Variants in NAALADL2 observed in about 807,000 individuals in gnomAD.
NAALADL2 encodes the protein inactive N-acetylated-alpha-linked acidic dipeptidase-like protein 2.
Under a neutral mutation model 87.2 loss-of-function variants are expected in NAALADL2, and 76 were observed. The observed-to-expected ratio is 0.87, with a 90% CI of 0.72 to 1.05. The LOEUF is 1.05. Ranked by LOEUF, NAALADL2 falls within the 50% of genes least tolerant of loss-of-function variation. The pLI, the probability that NAALADL2 is intolerant of heterozygous loss-of-function variation, is 0.00. For missense variants in NAALADL2, 1,089 were observed against 945.8 expected (o/e 1.15, Z -1.99); for synonymous variants, 354 against 331.0 (o/e 1.07, Z -0.75).
At position 175,273,683 on chromosome 3, in the gene NAALADL2, A is replaced by G. The variant is rs190581668; in HGVS notation, c.939+17153A>G. On this transcript the variant is annotated intron_variant, in intron 4 of 13. Transcript: ENST00000454872. ...TGACAATTTATTCTCTTTTAACCCT[A>G]ACGTAAGAGTATTTCATAAAGAATA... Among the ~76,000 whole-genome samples the G allele has an allele frequency of 5.0e-3, 765 of 152,120 alleles. 11 individuals are homozygous for G. Among genetic ancestry groups the G allele is most frequent in the Middle Eastern group, 0.024 (7 of 292 alleles).
chr3:175,244,041 C>T (rs1017663343), intron 3 of NAALADL2, among the ~76,000 whole-genome samples: 4 of 152,158 alleles, frequency 2.6e-5, no homozygotes, highest in Non-Finnish European at 5.9e-5. Flanking sequence ...TTCAACACAG[C>T]AACGATGTCT....
At chr3:175,406,978 C>G (rs1712523464) in intron 5 of NAALADL2, among the ~76,000 whole-genome samples, 1 of 151,994 alleles carries the variant, frequency 6.6e-6, no homozygotes, top group South Asian at 2.1e-4. Context: ...ATCAGGATTT[C>G]AAGACCAGCC....
chr3:174,501,316 G>A (rs1231665431), intron 1 of NAALADL2, among the ~76,000 whole-genome samples: 1 of 142,948 alleles, frequency 7.0e-6, no homozygotes, highest in African/African-American at 3.0e-5. Flanking sequence ...CTGACCTCGT[G>A]ATCCGCCCGC....
chr3:174,752,329 C>G (rs1287742880), intron 3 of NAALADL2, among the ~76,000 whole-genome samples: 3 of 152,152 alleles, frequency 2.0e-5, no homozygotes, highest in Non-Finnish European at 2.9e-5. Context: ...TGGACTGCTG[C>G]TATTGCATTT....
At chr3:175,553,209 T>G (rs1262508220) in intron 9 of NAALADL2, among the ~76,000 whole-genome samples, 1 of 152,152 alleles carries the variant, frequency 6.6e-6, no homozygotes, top group Non-Finnish European at 1.5e-5. Context: ...TAGCAGTTGT[T>G]GAATAAATAT....
chr3:174,475,442 T>G (rs1161757715), intron 1 of NAALADL2, among the ~76,000 whole-genome samples: 2 of 137,098 alleles, frequency 1.5e-5, no homozygotes, highest in Non-Finnish European at 3.1e-5. Context: ...GAGTTTAATT[T>G]TATATAATTG....
intron 9 of NAALADL2, among the ~76,000 whole-genome samples, chr3:175,530,384 C>G (rs1582272070): frequency 6.6e-6 from 1 of 152,214 alleles, no homozygotes; most frequent in South Asian, 2.1e-4. Flanking sequence ...CCATTGGCTA[C>G]AGCCCATGAA....
chr3:175,258,061 C>A (rs1294746703), intron 4 of NAALADL2, among the ~76,000 whole-genome samples: 1 of 152,094 alleles, frequency 6.6e-6, no homozygotes, highest in African/African-American at 2.4e-5. Flanking sequence ...GTAATCCCAG[C>A]ACTTCTGGAG....
intron 3 of NAALADL2, among the ~76,000 whole-genome samples, chr3:174,745,997 G>A (rs895583808): frequency 5.3e-5 from 8 of 152,132 alleles, no homozygotes; most frequent in South Asian, 2.1e-4. Flanking sequence ...AAAGCTGGAA[G>A]CATTCCCCTT....
At chr3:175,506,895 C>T (rs1255037723) in intron 9 of NAALADL2, among the ~76,000 whole-genome samples, 2 of 152,076 alleles carry the variant, frequency 1.3e-5, no homozygotes, top group Non-Finnish European at 2.9e-5. Flanking sequence ...GATGATACCC[C>T]CTGTTCACTC....
intron 3 of NAALADL2, among the ~76,000 whole-genome samples, chr3:174,774,583 T>C (rs1714979210): frequency 6.6e-6 from 1 of 152,304 alleles, no homozygotes; most frequent in African/African-American, 2.4e-5. Context: ...AGTGACAGTT[T>C]GGCCTCATCT....
chr3:175,574,722 C>G (rs1718606174), intron 9 of NAALADL2, among the ~76,000 whole-genome samples: 2 of 152,072 alleles, frequency 1.3e-5, no homozygotes, highest in South Asian at 4.1e-4. Context: ...CATCTACCTC[C>G]CCTGTAAAGC....
chr3:175,240,883 A>G (rs911964230), intron 3 of NAALADL2, among the ~76,000 whole-genome samples: 2 of 151,770 alleles, frequency 1.3e-5, no homozygotes, highest in African/African-American at 4.8e-5. Context: ...TCGAACTGGA[A>G]CTCCCGACCT....
At chr3:175,244,940 T>C (rs1347098884) in intron 3 of NAALADL2, among the ~76,000 whole-genome samples, 1 of 152,188 alleles carries the variant, frequency 6.6e-6, no homozygotes, top group Admixed American at 6.6e-5. Flanking sequence ...CAGGAGAAAG[T>C]AAGCAGTAGG....
rs755521601 is a variant in NAALADL2 at position 175,803,110 on chromosome 3, CCT to C, written c.2296_2297del (p.Leu766ValfsTer8). ...CATCAAATGAGACCCTTCAAGAAGC[CCT>C]GTCAGAGGTGTTGAACAGCATTAAT... Reference protein sequence around the residue: ...LASNETLQEALSEVLNSINSA... With the variant: ...LASNETLQEAXSEVLNSINSA... On this transcript the variant is annotated frameshift_variant, in exon 14 of 14. Transcript: ENST00000454872. LOFTEE classifies it high-confidence loss of function. 8 of 1,612,292 alleles carry C rather than the reference CCT, an allele frequency of 5.0e-6. No individual in the cohort carries two copies. The African/African-American group carries it at 5.3e-5, about 11-fold the overall frequency.
At chr3:175,429,208 C>CAT (rs1239416817) in intron 5 of NAALADL2, among the ~76,000 whole-genome samples, 6 of 131,336 alleles carry the variant, frequency 4.6e-5, no homozygotes, top group Admixed American at 1.6e-4. Context: ...CACACACACA[C>CAT]ACATATATAT....
intron 2 of NAALADL2, among the ~76,000 whole-genome samples, chr3:175,131,946 G>A (rs1235534472): frequency 8.1e-6 from 1 of 123,742 alleles, no homozygotes; most frequent in East Asian, 2.7e-4. Flanking sequence ...AGGGGTGGCC[G>A]GGCAGAGGCG....
intron 10 of NAALADL2, among the ~76,000 whole-genome samples, chr3:175,591,950 A>C (rs1454914875): frequency 6.6e-6 from 1 of 151,890 alleles, no homozygotes; most frequent in Admixed American, 6.6e-5. Context: ...ATAAAATCTG[A>C]GGCTGTAGCT....
chr3:174,836,814 A>G (rs922426432), intron 3 of NAALADL2, among the ~76,000 whole-genome samples: 1 of 151,898 alleles, frequency 6.6e-6, no homozygotes, highest in Non-Finnish European at 1.5e-5. Flanking sequence ...ACACATTTTT[A>G]GTAGTTCAAT....
Sources: gnomAD v4.1 joint callset for allele counts (sites outside exome capture counted in the v4.1 genomes callset) on GRCh38, gnomAD v4.1.1 for gene constraint, MANE v1.5 for transcripts, NCBI Gene and HGNC (gene_info 2026-07-23, HGNC 2026-07-21) for gene names.